Variants in KHDC4 observed in about 807,000 individuals in gnomAD.
The protein encoded by KHDC4 is KH domain containing 4, pre-mRNA splicing factor.
KHDC4 carries 19 observed loss-of-function variants against 74.5 expected under a neutral mutation model. The ratio of observed to expected loss-of-function variants is 0.26; its 90% CI spans 0.18 to 0.37. The LOEUF (loss-of-function observed/expected upper bound fraction) is 0.37, where lower values mean the gene tolerates loss of function less well. Ranked by LOEUF, KHDC4 falls within the 10% of genes least tolerant of loss-of-function variation. KHDC4 has a pLI of 1.00. For synonymous variants in KHDC4, 253 were observed against 266.1 expected (o/e 0.95, Z 0.48); for missense variants, 632 against 754.1 (o/e 0.84, Z 1.90).
At chr1:155,929,875 A>G in intron 2 of KHDC4, 35 bp from the exon 3 acceptor site, 1 of 1,464,342 alleles carries the variant, frequency 6.8e-7, no homozygotes. Flanking sequence ...AAAAGTTTTT[A>G]TGATGAGATA....
chr1:155,922,400 C>T (rs1020240573), intron 8 of KHDC4, among the ~76,000 whole-genome samples: 4 of 152,176 alleles, frequency 2.6e-5, no homozygotes, highest in South Asian at 2.1e-4. Flanking sequence ...CCGCCTTGGC[C>T]TCCCAAAGGG....
chr1:155,919,157 A>AG (rs1007307634), intron 10 of KHDC4, among the ~76,000 whole-genome samples: 1 of 151,626 alleles, frequency 6.6e-6, no homozygotes, highest in Non-Finnish European at 1.5e-5. Flanking sequence ...TAGCAGAGAC[A>AG]GGGTTTCACC....
chr1:155,933,249 T>C (rs1354245751), intron 2 of KHDC4, among the ~76,000 whole-genome samples: 1 of 152,194 alleles, frequency 6.6e-6, no homozygotes, highest in Non-Finnish European at 1.5e-5. Flanking sequence ...CATTTATCCT[T>C]TACTAACACA....
Position 155,927,803 on chromosome 1 carries a change from CAAAAAAAAAAAAAAAAAAA to C in KHDC4, c.465-666_465-648del, listed in dbSNP as rs1157393289. 9.3e-3 allele frequency among the ~76,000 whole-genome samples: 76 copies of C among 8,148 alleles called. 1 individual carries two copies. The East Asian group carries it at 0.16, about 18-fold the overall frequency. 5.3% of individuals were successfully genotyped at this position (8,148 alleles called of 152,430 possible). A position where few individuals can be genotyped will look rare whatever the true frequency, so the allele number is the denominator to read the frequency against. ...GGGCAACAGAACAAGACTCTGTCTC[CAAAAAAAAAAAAAAAAAAA>C]AAAAAAAAACCACACACACACACAC... On this transcript the variant is annotated intron_variant, in intron 4 of 13. Transcript: ENST00000368321.
chr1:155,914,443 T>A, intron 13 of KHDC4, 123 bp from the exon 14 acceptor site: 3 of 770,238 alleles, frequency 3.9e-6, no homozygotes, highest in Non-Finnish European at 6.2e-6. Flanking sequence ...CATTTTGAGG[T>A]CACAGGGTCA....
chr1:155,924,185 C>A (rs763159269), intron 7 of KHDC4, among the ~76,000 whole-genome samples: 2 of 151,926 alleles, frequency 1.3e-5, no homozygotes, highest in African/African-American at 4.8e-5. Context: ...GGCATGTTGG[C>A]GGGTGCCTAT....
chr1:155,921,423 T>C lies in KHDC4; in HGVS notation c.1218A>G (p.Pro406=). The change falls in exon 10 of 14, where the codon CCA becomes CCG. Residue 406 remains proline, a synonymous_variant. Transcript: ENST00000368321. ...GCACTTGTGTTATCGGGTATTGTGT[T>C]GGCACAGGTGGGACTCCAGTAGGTA... ...PALPTGVPPV[P]TQYPITQVQP... The C allele has an allele frequency of 8.1e-6, 13 of 1,614,134 alleles. No homozygotes were observed. The highest frequency in any genetic ancestry group is 1.1e-5 in the Non-Finnish European group (13 of 1,179,990).
chr1:155,927,222 C>G, intron 4 of KHDC4, 66 bp from the exon 5 acceptor site: 1 of 1,181,140 alleles, frequency 8.5e-7, no homozygotes, highest in Non-Finnish European at 1.3e-6. Context: ...TCAAATGGGT[C>G]ACCAGATCTA....
chr1:155,929,660 T>C (rs923354793), intron 3 of KHDC4, 52 bp downstream of exon 3: 31 of 1,581,740 alleles, frequency 2.0e-5, no homozygotes, highest in Non-Finnish European at 2.7e-5. Flanking sequence ...AGAGGTCTTC[T>C]TTATCTGAAT....
At chr1:155,927,817 A>C (rs1377193581) in intron 4 of KHDC4, among the ~76,000 whole-genome samples, 1 of 103,998 alleles carries the variant, frequency 9.6e-6, no homozygotes, top group African/African-American at 3.8e-5. Context: ...AAAAAAAAAA[A>C]AAAAAAAAAA....
At position 155,934,385 on chromosome 1, in the gene KHDC4, C is replaced by G. The variant is rs772509354; in HGVS notation, c.-12G>C. ...CTCCCCGCGGACATGGCGACCGCTTCTACTCAACCACCCGCCAACTATCCG... is the reference window on the plus strand; with the variant it reads ...CTCCCCGCGGACATGGCGACCGCTTGTACTCAACCACCCGCCAACTATCCG... On this transcript the variant is annotated 5_prime_UTR_variant, in exon 1 of 14. Transcript: ENST00000368321. 6 of 1,612,220 alleles carry G rather than the reference C, an allele frequency of 3.7e-6. No individual in the cohort carries two copies. The highest frequency in any genetic ancestry group is 4.2e-6 in the Non-Finnish European group (5 of 1,179,888).
At chr1:155,929,685 C>G in intron 3 of KHDC4, 27 bp downstream of exon 3, 1 of 1,602,982 alleles carries the variant, frequency 6.2e-7, no homozygotes, top group Non-Finnish European at 8.5e-7. Flanking sequence ...TCACCGCCCT[C>G]CCCAAAGAGT....
intron 4 of KHDC4, among the ~76,000 whole-genome samples, chr1:155,927,893 T>A (rs1025173449): frequency 7.5e-6 from 1 of 133,170 alleles, no homozygotes; most frequent in East Asian, 2.1e-4. Context: ...GGGGAAAGAT[T>A]GATCATGCAT....
intron 13 of KHDC4, chr1:155,914,665 A>G (rs2102595348): frequency 4.5e-6 from 1 of 219,882 alleles, no homozygotes; most frequent in Admixed American, 5.3e-5. Context: ...AGAAAAGAAA[A>G]AAACGTATTT....
intron 13 of KHDC4, 155 bp from the exon 14 acceptor site, chr1:155,914,475 A>G: frequency 1.6e-6 from 1 of 615,314 alleles, no homozygotes; most frequent in South Asian, 2.1e-5. Context: ...AAAACGTTGA[A>G]GATCACACGA....
chr1:155,931,321 G>GA (rs1472561941), intron 2 of KHDC4, among the ~76,000 whole-genome samples: 3 of 144,942 alleles, frequency 2.1e-5, no homozygotes, highest in Non-Finnish European at 3.0e-5. Flanking sequence ...CAGAAAGACA[G>GA]AAAGAAAGAA....
At position 155,923,686 on chromosome 1, in the gene KHDC4, G is replaced by A. The variant is rs764472931; in HGVS notation, c.895C>T (p.His299Tyr). 1 of 1,611,456 alleles carries A rather than the reference G, an allele frequency of 6.2e-7. No homozygotes were observed. ...GCAGCCAGGCCTTCTGGTTTGGGGTGACTGCAAAGAAATAACCAGGAATTC... is the reference window on the plus strand; with the variant it reads ...GCAGCCAGGCCTTCTGGTTTGGGGTAACTGCAAAGAAATAACCAGGAATTC... ...AFEPMYIYIS[H>Y]PKPEGLAAAK... is the part of the protein sequence containing the mutation. The change falls in exon 8 of 14, where the codon CAC (histidine) becomes TAC (tyrosine). Residue 299 changes from histidine to tyrosine, a missense_variant and splice_region_variant. His to Tyr is a moderately conservative substitution (Grantham distance 83). Around this residue, in one of 4 missense-constraint regions of KHDC4, gnomAD observed 233 missense variants for 342.6 expected, o/e 0.68. Coordinates refer to ENST00000368321, the MANE Select transcript of KHDC4 (RefSeq NM_014949.4).
Position 155,929,832 on chromosome 1 carries a change from A to G in KHDC4, c.264T>C (p.Ala88=). 1 of 1,576,396 alleles carries G rather than the reference A, an allele frequency of 6.3e-7. No homozygotes were observed. The highest frequency in any genetic ancestry group is 8.6e-7 in the Non-Finnish European group (1 of 1,164,434). Residue 88 remains alanine (A), a synonymous_variant, in exon 3 of 14, where the codon GCT becomes GCC. Coordinates refer to ENST00000368321, the MANE Select transcript of KHDC4 (RefSeq NM_014949.4). ...TATTGCTAGTTAGGCCTTTGCCAGG[A>G]GCCTGAAGCTAGAAAAAAGAGAAAT... is the stretch of plus-strand genomic sequence containing the variant. The part of the protein sequence containing the change: ...PTQNASEKLQ[A]PGKGLTSNKS...
chr1:155,917,204 G>T (rs750710492), intron 11 of KHDC4, among the ~76,000 whole-genome samples: 4 of 152,112 alleles, frequency 2.6e-5, no homozygotes, highest in Non-Finnish European at 5.9e-5. Context: ...AGACTGGAGG[G>T]AGATATCACT....
Sources: allele counts gnomAD v4.1 joint callset (sites outside exome capture counted in the v4.1 genomes callset), GRCh38; gene constraint gnomAD v4.1.1; regional missense constraint gnomAD v4.1.1; transcripts MANE v1.5; gene names NCBI Gene and HGNC (gene_info 2026-07-23, HGNC 2026-07-21).